IQCJ: variants seen among roughly 807,000 people sequenced by gnomAD.
IQCJ encodes the protein IQ motif containing J, also known as IQ domain-containing protein J.
IQCJ carries 9 observed loss-of-function variants against 11.0 expected under a neutral mutation model. The ratio of observed to expected loss-of-function variants is 0.82; its 90% CI spans 0.49 to 1.43. IQCJ has a LOEUF of 1.43. IQCJ is among the 40% of genes most tolerant of loss of function. IQCJ has a pLI of 0.00. For missense variants in IQCJ, 146 were observed against 133.2 expected (o/e 1.10, Z -0.47); for synonymous variants, 55 against 51.3 (o/e 1.07, Z -0.31).
At chr3:159,132,749 A>C (rs1405329618) in intron 1 of IQCJ, among the ~76,000 whole-genome samples, 1 of 152,222 alleles carries the variant, frequency 6.6e-6, no homozygotes, top group East Asian at 1.9e-4. Context: ...TGAATTCAAA[A>C]GCATAATCTA....
chr3:159,177,086 T>C (rs1444886121), intron 1 of IQCJ, among the ~76,000 whole-genome samples: 3 of 152,228 alleles, frequency 2.0e-5, no homozygotes, highest in African/African-American at 7.2e-5. Flanking sequence ...TATCATTAAA[T>C]AGAAAGCAGT....
At chr3:159,179,822 C>G (rs114861989) in intron 1 of IQCJ, among the ~76,000 whole-genome samples, 1 of 152,112 alleles carries the variant, frequency 6.6e-6, no homozygotes, top group Non-Finnish European at 1.5e-5. Context: ...AAATAACATT[C>G]AGTCAAAAAG....
intron 1 of IQCJ, among the ~76,000 whole-genome samples, chr3:159,183,728 C>T (rs1723226238): frequency 6.6e-6 from 1 of 152,200 alleles, no homozygotes; most frequent in East Asian, 1.9e-4. Flanking sequence ...TGTCACAATA[C>T]ACATAAAAGG....
At chr3:159,244,741 T>C (rs145226233) in intron 1 of IQCJ, among the ~76,000 whole-genome samples, 2 of 152,154 alleles carry the variant, frequency 1.3e-5, no homozygotes, top group East Asian at 1.9e-4. Context: ...GTTTAAGAGA[T>C]TGCATAATGG....
intron 1 of IQCJ, among the ~76,000 whole-genome samples, chr3:159,201,091 G>A (rs957380167): frequency 7.2e-5 from 11 of 152,190 alleles, no homozygotes; most frequent in African/African-American, 1.9e-4. Context: ...ATCACACAGA[G>A]GGCTTGAAAC....
At chr3:159,139,811 C>A (rs1720498958) in intron 1 of IQCJ, among the ~76,000 whole-genome samples, 1 of 152,182 alleles carries the variant, frequency 6.6e-6, no homozygotes, top group South Asian at 2.1e-4. Context: ...CAAGGCCCTG[C>A]ACTCAGTGTT....
Position 159,263,284 on chromosome 3 carries a change from C to A in IQCJ, c.*553C>A. 1 of 361,506 alleles carries A rather than the reference C, an allele frequency of 2.8e-6. No homozygotes were observed. The highest frequency in any genetic ancestry group is 3.8e-6 in the Non-Finnish European group (1 of 259,890). The allele number at this position is 361,506 out of a possible 1,614,324, so 22.4% of individuals were successfully genotyped here. A position where few individuals can be genotyped will look rare whatever the true frequency, so the allele number is the denominator to read the frequency against. ...ATGGCCAAATGTGATTTTCTTTCTT[C>A]AGGACATGTCAGAAATCTGCATTTT... On this transcript the variant is annotated 3_prime_UTR_variant, in exon 4 of 4. Coordinates refer to ENST00000397832, the MANE Select transcript of IQCJ (RefSeq NM_001042706.3).
At chr3:159,131,206 C>T (rs1253691744) in intron 1 of IQCJ, among the ~76,000 whole-genome samples, 1 of 152,170 alleles carries the variant, frequency 6.6e-6, no homozygotes, top group African/African-American at 2.4e-5. Context: ...AATTCAACTA[C>T]TTGGGGCTTC....
At chr3:159,183,501 C>T (rs143156075) in intron 1 of IQCJ, among the ~76,000 whole-genome samples, 2 of 152,204 alleles carry the variant, frequency 1.3e-5, no homozygotes, top group Non-Finnish European at 2.9e-5. Context: ...AATGACTTCC[C>T]CATTTTGTTT....
intron 3 of IQCJ, among the ~76,000 whole-genome samples, chr3:159,258,223 C>G (rs918210156): frequency 2.6e-4 from 39 of 152,288 alleles, no homozygotes; most frequent in African/African-American, 8.4e-4. Context: ...AGTTTCAGCT[C>G]TACTTGCTGA....
intron 1 of IQCJ, among the ~76,000 whole-genome samples, chr3:159,107,892 C>A (rs990526940): frequency 1.3e-5 from 2 of 150,180 alleles, no homozygotes; most frequent in African/African-American, 4.9e-5. Flanking sequence ...GACAGACAGG[C>A]ATAACAGGCA....
At chr3:159,089,911 C>T (rs1717114122) in intron 1 of IQCJ, among the ~76,000 whole-genome samples, 1 of 151,910 alleles carries the variant, frequency 6.6e-6, no homozygotes, top group African/African-American at 2.4e-5. Flanking sequence ...AAGCCTTCTT[C>T]TCTCAGCTCG....
chr3:159,212,654 T>G (rs1214952388), intron 1 of IQCJ, among the ~76,000 whole-genome samples: 1 of 152,216 alleles, frequency 6.6e-6, no homozygotes, highest in Non-Finnish European at 1.5e-5. Context: ...GTCTCACAGA[T>G]TTCTACAGCC....
chr3:159,230,725 A>T (rs917541765), intron 1 of IQCJ, among the ~76,000 whole-genome samples: 7 of 152,224 alleles, frequency 4.6e-5, no homozygotes, highest in Non-Finnish European at 8.8e-5. Flanking sequence ...TAAAAACTTT[A>T]TCCATTGTAA....
Position 159,102,965 on chromosome 3 carries a change from A to G in IQCJ, c.9+33524A>G, listed in dbSNP as rs1365650367. Among the ~76,000 whole-genome samples, 4 of 152,252 alleles carry G rather than the reference A, an allele frequency of 2.6e-5. No individual in the cohort carries two copies. The South Asian group carries it at 6.2e-4, about 24-fold the overall frequency. ...TAAAAGCTACATAAAATGATTTGCC[A>G]TTTCCACAGGCCTTCCTCTACACAT... On this transcript the variant is annotated intron_variant, in intron 1 of 3. Coordinates refer to ENST00000397832, the MANE Select transcript of IQCJ (RefSeq NM_001042706.3).
At chr3:159,086,110 G>C (rs2108068202) in intron 1 of IQCJ, among the ~76,000 whole-genome samples, 1 of 152,244 alleles carries the variant, frequency 6.6e-6, no homozygotes, top group East Asian at 1.9e-4. Context: ...GTAAAGAAGG[G>C]ATCCAGTTTC....
intron 1 of IQCJ, among the ~76,000 whole-genome samples, chr3:159,095,619 G>T (rs1418850350): frequency 0.011 from 1,033 of 91,402 alleles, 17 homozygotes; most frequent in African/African-American, 0.045. Flanking sequence ...GCGGTGTTTG[G>T]TTTTTTGTTC....
chr3:159,069,481 C>T, intron 1 of IQCJ, 40 bp downstream of exon 1: 1 of 1,589,818 alleles, frequency 6.3e-7, no homozygotes, highest in Non-Finnish European at 8.5e-7. Context: ...CTTTGATGTG[C>T]ATTATATGCA....
At chr3:159,187,555 T>C (rs927459072) in intron 1 of IQCJ, among the ~76,000 whole-genome samples, 1 of 152,222 alleles carries the variant, frequency 6.6e-6, no homozygotes. Flanking sequence ...CTCCGCGCGG[T>C]CAGGCGGCCA....
Sources: allele counts gnomAD v4.1 joint callset (sites outside exome capture counted in the v4.1 genomes callset), GRCh38; gene constraint gnomAD v4.1.1; transcripts MANE v1.5; gene names NCBI Gene and HGNC (gene_info 2026-07-23, HGNC 2026-07-21).